TRAPPC9: variants seen among roughly 807,000 people sequenced by gnomAD.
TRAPPC9 encodes IKK2 binding protein.
In TRAPPC9, 83 loss-of-function variants were observed where a neutral mutation model predicts 124.0. That is an observed-to-expected ratio of 0.67 (90% confidence interval 0.56 to 0.80). TRAPPC9 has a LOEUF of 0.80. Among genes scored for constraint, TRAPPC9 ranks in the 30% least tolerant of loss-of-function variants. TRAPPC9 has a pLI of 0.00. For missense variants in TRAPPC9, 1,302 were observed against 1,508.3 expected (o/e 0.86, Z 2.27); for synonymous variants, 638 against 617.5 (o/e 1.03, Z -0.49).
At chr8:140,378,800 T>C (rs567390277) in intron 7 of TRAPPC9, among the ~76,000 whole-genome samples, 1 of 152,208 alleles carries the variant, frequency 6.6e-6, no homozygotes, top group Non-Finnish European at 1.5e-5. Context: ...CCCTCCTATG[T>C]GAGCACTGAA....
At chr8:140,382,500 C>A (rs2068637334) in intron 7 of TRAPPC9, among the ~76,000 whole-genome samples, 1 of 152,356 alleles carries the variant, frequency 6.6e-6, no homozygotes, top group South Asian at 2.1e-4. Flanking sequence ...ATATCCCGCG[C>A]ATGGCTGGGA....
At position 140,245,879 on chromosome 8, in the gene TRAPPC9, ATGC is replaced by A. The variant is rs1434026889; in HGVS notation, c.2431+6895_2431+6897del. Reference sequence around the variant, plus strand: ...GGTTGTCTCTTATTTTGTTATGTGGATGCTTACTGTCTCGACTCATTAATCTAT... The same window carrying A: ...GGTTGTCTCTTATTTTGTTATGTGGATTACTGTCTCGACTCATTAATCTAT... On this transcript the variant is annotated intron_variant, in intron 16 of 22. Transcript: ENST00000438773. Among the ~76,000 whole-genome samples the A allele has an allele frequency of 1.3e-5, 2 of 152,154 alleles. 1 individual carries two copies. The highest frequency in any genetic ancestry group is 4.8e-5 in the African/African-American group (2 of 41,436).
At chr8:139,977,835 C>G (rs1836589550) in intron 19 of TRAPPC9, among the ~76,000 whole-genome samples, 1 of 151,476 alleles carries the variant, frequency 6.6e-6, no homozygotes, top group Non-Finnish European at 1.5e-5. Flanking sequence ...TGTGTGCCAC[C>G]ACGCCCGGCT....
intron 5 of TRAPPC9, among the ~76,000 whole-genome samples, chr8:140,425,117 C>A (rs2070374667): frequency 6.6e-6 from 1 of 152,150 alleles, no homozygotes; most frequent in South Asian, 2.1e-4. Flanking sequence ...TTAGAAAGGA[C>A]CAACGCTTGA....
intron 20 of TRAPPC9, among the ~76,000 whole-genome samples, chr8:139,897,322 A>G (rs912278177): frequency 4.6e-5 from 7 of 152,130 alleles, no homozygotes; most frequent in African/African-American, 1.7e-4. Context: ...GCTCAGTTTA[A>G]CCTTCCTCTG....
intron 18 of TRAPPC9, among the ~76,000 whole-genome samples, chr8:139,989,164 G>A (rs1341042543): frequency 2.6e-5 from 4 of 152,120 alleles, no homozygotes; most frequent in East Asian, 1.9e-4. Flanking sequence ...ATACACTGAC[G>A]ACTGGAACAC....
chr8:139,995,654 A>C (rs771025224), intron 18 of TRAPPC9, among the ~76,000 whole-genome samples: 7 of 152,264 alleles, frequency 4.6e-5, no homozygotes, highest in Middle Eastern at 3.4e-3. Flanking sequence ...AGATTGATTC[A>C]GAGAGCAGAC....
chr8:140,292,410 G>A (rs1359175820), intron 11 of TRAPPC9, among the ~76,000 whole-genome samples: 2 of 152,220 alleles, frequency 1.3e-5, no homozygotes, highest in African/African-American at 2.4e-5. Context: ...ACCCCGAGCA[G>A]ACACGGGTGG....
intron 17 of TRAPPC9, among the ~76,000 whole-genome samples, chr8:140,169,754 G>C (rs1340412772): frequency 6.6e-6 from 1 of 152,032 alleles, no homozygotes; most frequent in African/African-American, 2.4e-5. Context: ...TTCAGAGCCG[G>C]GGTCGGGAGG....
intron 17 of TRAPPC9, among the ~76,000 whole-genome samples, chr8:140,051,916 C>A (rs761152743): frequency 1.3e-5 from 2 of 152,114 alleles, no homozygotes; most frequent in African/African-American, 2.4e-5. Flanking sequence ...AATGCATCCA[C>A]TGTATTTCTT....
intron 17 of TRAPPC9, among the ~76,000 whole-genome samples, chr8:140,123,372 C>G (rs1357182939): frequency 6.6e-6 from 1 of 152,226 alleles, no homozygotes; most frequent in Non-Finnish European, 1.5e-5. Context: ...AAAACCCTTC[C>G]CTGGCACCTG....
chr8:139,795,286 C>T (rs983972223), intron 21 of TRAPPC9, among the ~76,000 whole-genome samples: 7 of 152,164 alleles, frequency 4.6e-5, no homozygotes, highest in African/African-American at 1.2e-4. Context: ...TGAGAGGAAG[C>T]GCACTGCCGA....
At position 140,322,844 on chromosome 8, in the gene TRAPPC9, C is replaced by G. The variant is rs2066632134; in HGVS notation, c.1496-11470G>C. ...CAGAGTGAGATCCTGTCTCAAAAAA[C>G]AAAAAAGCCAACAGAAAAGACAAAG... On this transcript the variant is annotated intron_variant, in intron 9 of 22. Coordinates refer to ENST00000438773, the MANE Select transcript of TRAPPC9 (RefSeq NM_001160372.4). Among the ~76,000 whole-genome samples, 4 of 151,988 alleles carry G rather than the reference C, an allele frequency of 2.6e-5. No homozygotes were observed. In the South Asian group the frequency reaches 8.3e-4, roughly 32 times the overall value.
At chr8:139,876,428 A>T (rs1829325715) in intron 21 of TRAPPC9, among the ~76,000 whole-genome samples, 1 of 152,216 alleles carries the variant, frequency 6.6e-6, no homozygotes, top group Admixed American at 6.5e-5. Context: ...ACTCCTTCCC[A>T]GGAAGGCGGC....
chr8:140,393,084 T>TTTATG (rs1383875381), intron 7 of TRAPPC9, among the ~76,000 whole-genome samples: 1 of 151,556 alleles, frequency 6.6e-6, no homozygotes, highest in African/African-American at 2.4e-5. Context: ...TTTATTTTAT[T>TTTATG]TTTTTAGATG....
Position 139,964,244 on chromosome 8 carries a change from A to AAAAT in TRAPPC9, c.2810+24481_2810+24482insATTT, listed in dbSNP as rs59677763. On this transcript the variant is annotated intron_variant, in intron 19 of 22. Coordinates refer to ENST00000438773, the MANE Select transcript of TRAPPC9 (RefSeq NM_001160372.4). ...TGTCTCAAAAAAAAAAAAAAAAAAAAAGCGGGGGAGCACCTCAGGAGGCCA... is the reference window on the plus strand; with the variant it reads ...TGTCTCAAAAAAAAAAAAAAAAAAAAAAATAGCGGGGGAGCACCTCAGGAGGCCA... Among the ~76,000 whole-genome samples, 65 of 138,108 alleles carry AAAAT rather than the reference A, an allele frequency of 4.7e-4. 2 individuals are homozygous for AAAAT. Among genetic ancestry groups the AAAAT allele is most frequent in the Non-Finnish European group, 7.2e-4 (46 of 63,706 alleles). 90.6% of individuals were successfully genotyped at this position (138,108 alleles called of 152,430 possible).
At chr8:140,164,197 A>G (rs1368028346) in intron 17 of TRAPPC9, among the ~76,000 whole-genome samples, 1 of 152,154 alleles carries the variant, frequency 6.6e-6, no homozygotes, top group Non-Finnish European at 1.5e-5. Flanking sequence ...TTCTCTCCCA[A>G]TGCTTACAAC....
intron 15 of TRAPPC9, among the ~76,000 whole-genome samples, chr8:140,272,336 T>TTGGTGGTCACAGTGGAGAGAG (rs1348206467): frequency 5.7e-5 from 7 of 122,826 alleles, no homozygotes; most frequent in Non-Finnish European, 1.1e-4. Context: ...GATGGTGGTT[T>TTGGTGGTCACAGTGGAGAGAG]TGGTGGTCAC....
At chr8:140,454,936 TAA>T (rs57108334) in intron 1 of TRAPPC9, among the ~76,000 whole-genome samples, 11 of 127,600 alleles carry the variant, frequency 8.6e-5, no homozygotes, top group Admixed American at 1.6e-4. Context: ...TAAGACTCTT[TAA>T]AAAAAAAAAA....
Sources: gnomAD v4.1 joint callset for allele counts (sites outside exome capture counted in the v4.1 genomes callset) on GRCh38, gnomAD v4.1.1 for gene constraint, MANE v1.5 for transcripts, NCBI Gene and HGNC (gene_info 2026-07-23, HGNC 2026-07-21) for gene names.